SLC25A25: variants seen among roughly 807,000 people sequenced by gnomAD.
SLC25A25 encodes mitochondrial adenyl nucleotide antiporter SLC25A25.
SLC25A25 carries 32 observed loss-of-function variants against 57.7 expected under a neutral mutation model. The observed-to-expected ratio is 0.55, with a 90% CI of 0.42 to 0.74. The LOEUF (loss-of-function observed/expected upper bound fraction) is 0.74, where lower values mean the gene tolerates loss of function less well. SLC25A25 is among the 30% of genes least tolerant of loss of function. The pLI, the probability that SLC25A25 is intolerant of heterozygous loss-of-function variation, is 0.00. For synonymous variants in SLC25A25, 306 were observed against 291.2 expected, an observed-to-expected ratio of 1.05 and a Z score of -0.52; for missense variants, 556 against 701.3, an observed-to-expected ratio of 0.79 and a Z score of 2.34.
At chr9:128,100,990 C>T (rs1833767577) in intron 1 of SLC25A25, 106 bp from the exon 2 acceptor site, 2 of 1,499,520 alleles carry the variant, frequency 1.3e-6, no homozygotes, top group Non-Finnish European at 1.8e-6. Flanking sequence ...TTGGGGCCAG[C>T]TCTGCTCGCA....
rs1834147180 is a variant in SLC25A25 at position 128,108,624 on chromosome 9, G to A, written c.*1180G>A. The A allele has an allele frequency of 6.1e-6, 1 of 163,326 alleles. No homozygotes were observed. The allele number at this position is 163,326 out of a possible 1,614,324, so 10.1% of individuals were successfully genotyped here. ...TTTTTTATTCATATTTATGTTCATG[G>A]TTGATTGTACCTTCCCAAGCCCGCC... On this transcript the variant is annotated 3_prime_UTR_variant, in exon 11 of 11. Transcript: ENST00000373069.
At chr9:128,078,847 C>A (rs1833076538) in intron 1 of SLC25A25, among the ~76,000 whole-genome samples, 1 of 152,208 alleles carries the variant, frequency 6.6e-6, no homozygotes, top group Non-Finnish European at 1.5e-5. Context: ...CAATGCAGTG[C>A]CGCCTTCCTT....
At position 128,068,844 on chromosome 9, in the gene SLC25A25, C is replaced by G. The variant is rs375073736; in HGVS notation, c.261+264C>G. The stretch of plus-strand genomic sequence containing the variant: ...TGATGGGCGAAAAGCCCTTTCTTGC[C>G]CAGAGTAGAAGGCCAGGTCTCAGGA... On this transcript the variant is annotated intron_variant, in intron 1 of 10. Transcript: ENST00000373069. Among the ~76,000 whole-genome samples, 31 of 152,300 alleles carry G rather than the reference C, an allele frequency of 2.0e-4. No homozygotes were observed. In the East Asian group the frequency reaches 3.9e-3, roughly 19 times the overall value.
chr9:128,099,479 G>A lies in SLC25A25; in HGVS notation c.262-1617G>A, dbSNP rs1445396645. 3.0e-6 allele frequency: 3 copies of A among 1,008,432 alleles called. No homozygotes were observed. The highest frequency in any genetic ancestry group is 3.6e-5 in the African/African-American group (2 of 55,902). The allele number at this position is 1,008,432 out of a possible 1,614,324, so 62.5% of individuals were successfully genotyped here. A position where few individuals can be genotyped will look rare whatever the true frequency, so the allele number is the denominator to read the frequency against. The stretch of plus-strand genomic sequence containing the variant: ...GCAGCAGGCGGCTGGGTCCCAGAGG[G>A]CTCCATGCCTGATGTTCGCCTCCTG... On this transcript the variant is annotated intron_variant, in intron 1 of 10. Transcript: ENST00000373069. This position sits in a 1 kb window ranked among gnomAD's most constrained non-coding sequence, Gnocchi z 6.8.
chr9:128,091,737 CT>C, intron 1 of SLC25A25: 1 of 1,469,072 alleles, frequency 6.8e-7, no homozygotes, highest in South Asian at 1.5e-5. Context: ...GAAACCGCCC[CT>C]GCATGCAGAG....
rs760522053 is a variant in SLC25A25, at chr9:128,095,765, G to A, written c.262-5331G>A. Among the ~76,000 whole-genome samples the A allele has an allele frequency of 1.3e-5, 2 of 152,184 alleles. No individual in the cohort carries two copies. Among genetic ancestry groups the A allele is most frequent in the Admixed American group, 6.5e-5 (1 of 15,286 alleles). On this transcript the variant is annotated intron_variant, in intron 1 of 10. Coordinates refer to ENST00000373069, the MANE Select transcript of SLC25A25 (RefSeq NM_001330988.2). This position sits in a 1 kb window ranked among gnomAD's most constrained non-coding sequence, Gnocchi z 4.4. Reference sequence around the variant, plus strand: ...GTGGAGGTTGTAGTGAGCCAAGATCGCGCCACTGCACTCCAGCCTGGGCGA... The same window carrying A: ...GTGGAGGTTGTAGTGAGCCAAGATCACGCCACTGCACTCCAGCCTGGGCGA...
chr9:128,106,630 C>A (rs1485047050), intron 9 of SLC25A25, 110 bp downstream of exon 9: 1 of 1,303,510 alleles, frequency 7.7e-7, no homozygotes, highest in East Asian at 2.4e-5. Flanking sequence ...TCAAAGACTG[C>A]GCCTCCTTCC....
intron 1 of SLC25A25, among the ~76,000 whole-genome samples, chr9:128,082,758 G>C (rs1833181685): frequency 6.6e-6 from 1 of 152,104 alleles, no homozygotes; most frequent in Admixed American, 6.5e-5. Flanking sequence ...GGATTCTCCT[G>C]CCTCAACCTC....
intron 1 of SLC25A25, among the ~76,000 whole-genome samples, chr9:128,089,840 G>T (rs1250988480): frequency 1.3e-5 from 2 of 151,764 alleles, no homozygotes; most frequent in African/African-American, 4.8e-5. Context: ...TCTCCACATT[G>T]TCCAGGCTGG....
At chr9:128,074,695 ACT>A (rs1832973826) in intron 1 of SLC25A25, among the ~76,000 whole-genome samples, 1 of 152,094 alleles carries the variant, frequency 6.6e-6, no homozygotes, top group African/African-American at 2.4e-5. Flanking sequence ...ACAGAGCCAG[ACT>A]CTGTCTCAAA....
chr9:128,068,412 C>A lies in SLC25A25; in HGVS notation c.93C>A (p.Ser31=). ...AASSSASSPA[S]VGDPCGGAIC... Reference sequence around the variant, plus strand: ...CTTCGTCTGCCTCATCGCCGGCGTCCGTGGGGGACCCCTGCGGCGGCGCTA... The same window carrying A: ...CTTCGTCTGCCTCATCGCCGGCGTCAGTGGGGGACCCCTGCGGCGGCGCTA... Residue 31 remains serine (S), a synonymous_variant, in exon 1 of 11, where the codon TCC becomes TCA. Transcript: ENST00000373069. The A allele has an allele frequency of 6.4e-7, 1 of 1,559,262 alleles. No homozygotes were observed. The highest frequency in any genetic ancestry group is 1.2e-5 in the South Asian group (1 of 86,556).
intron 7 of SLC25A25, 133 bp from the exon 8 acceptor site, chr9:128,106,017 G>C (rs1272101506): frequency 3.9e-6 from 6 of 1,524,840 alleles, no homozygotes; most frequent in Non-Finnish European, 5.4e-6. Flanking sequence ...CGAGGCAGGA[G>C]GCCCAGGCTC....
At position 128,095,600 on chromosome 9, in the gene SLC25A25, C is replaced by T. The variant is rs371404925; in HGVS notation, c.262-5496C>T. Among the ~76,000 whole-genome samples, 10 of 152,156 alleles carry T rather than the reference C, an allele frequency of 6.6e-5. No individual in the cohort carries two copies. The highest frequency in any genetic ancestry group is 1.7e-4 in the African/African-American group (7 of 41,414). ...AACCAAATGCCAATTGAAGTTTATC[C>T]AATGAAGACATTCCATGAGACTCAG... is the stretch of plus-strand genomic sequence containing the variant. On this transcript the variant is annotated intron_variant, in intron 1 of 10. Transcript: ENST00000373069. This position sits in a 1 kb window ranked among gnomAD's most constrained non-coding sequence, Gnocchi z 4.4.
At chr9:128,083,495 CTT>C (rs75968192) in intron 1 of SLC25A25, among the ~76,000 whole-genome samples, 3 of 135,252 alleles carry the variant, frequency 2.2e-5, no homozygotes, top group South Asian at 2.3e-4. Flanking sequence ...GTTAATATTT[CTT>C]TTTTTTTTCT....
chr9:128,098,032 T>G (rs561901825), intron 1 of SLC25A25, among the ~76,000 whole-genome samples: 3 of 152,330 alleles, frequency 2.0e-5, no homozygotes, highest in South Asian at 4.1e-4. Context: ...CAGCCTCCTA[T>G]CCTCACAGCT....
chr9:128,091,841 C>T (rs1446377247), intron 1 of SLC25A25: 13 of 1,582,422 alleles, frequency 8.2e-6, no homozygotes, highest in Middle Eastern at 2.2e-4. Flanking sequence ...AGTGAACAGT[C>T]GCCATCAGAG....
intron 1 of SLC25A25, among the ~76,000 whole-genome samples, chr9:128,077,982 C>T (rs977809702): frequency 2.0e-5 from 3 of 151,070 alleles, no homozygotes; most frequent in Non-Finnish European, 4.4e-5. Context: ...ACCGAGACTG[C>T]GCCACTGCAC....
At chr9:128,069,066 C>G (rs1445074605) in intron 1 of SLC25A25, among the ~76,000 whole-genome samples, 1 of 152,174 alleles carries the variant, frequency 6.6e-6, no homozygotes, top group Non-Finnish European at 1.5e-5. Flanking sequence ...CAGGCTGATC[C>G]GTGTGGACGT....
intron 1 of SLC25A25, among the ~76,000 whole-genome samples, chr9:128,078,217 G>A (rs1833060992): frequency 6.6e-6 from 1 of 152,146 alleles, no homozygotes; most frequent in African/African-American, 2.4e-5. Context: ...AGCATAGAAA[G>A]AGCCCAGGAC....
Sources: gnomAD v4.1 joint callset for allele counts (sites outside exome capture counted in the v4.1 genomes callset) on GRCh38, gnomAD v4.1.1 for gene constraint, Gnocchi (gnomAD v3.1) non-coding constraint, MANE v1.5 for transcripts, NCBI Gene and HGNC (gene_info 2026-07-23, HGNC 2026-07-21) for gene names.